Variants in CHCHD6 observed in about 807,000 individuals in gnomAD.
CHCHD6 encodes coiled-coil-helix-coiled-coil-helix domain containing 6, also known as MICOS complex subunit MIC25.
CHCHD6 carries 28 observed loss-of-function variants against 32.3 expected under a neutral mutation model. The ratio of observed to expected loss-of-function variants is 0.87; its 90% CI spans 0.64 to 1.19. CHCHD6 has a LOEUF of 1.19. Ranked by LOEUF, CHCHD6 falls within the 50% of genes most tolerant of loss-of-function variation. The pLI, the probability that CHCHD6 is intolerant of heterozygous loss-of-function variation, is 0.00. For missense variants in CHCHD6, 333 were observed against 307.0 expected (o/e 1.08, Z -0.63); for synonymous variants, 122 against 117.5 (o/e 1.04, Z -0.25).
At chr3:126,870,900 C>T (rs2077459857) in intron 5 of CHCHD6, among the ~76,000 whole-genome samples, 1 of 152,190 alleles carries the variant, frequency 6.6e-6, no homozygotes, top group South Asian at 2.1e-4. Context: ...TGCCTTATCT[C>T]CCCTTTGCTG....
chr3:126,856,780 G>A (rs1321331109), intron 5 of CHCHD6, among the ~76,000 whole-genome samples: 1 of 152,210 alleles, frequency 6.6e-6, no homozygotes, highest in Non-Finnish European at 1.5e-5. Context: ...CTTGTCTTCA[G>A]TCAACCATGG....
intron 4 of CHCHD6, among the ~76,000 whole-genome samples, chr3:126,836,201 A>C (rs1481709863): frequency 6.6e-6 from 1 of 152,194 alleles, no homozygotes; most frequent in Admixed American, 6.5e-5. Flanking sequence ...CCTGTTTTTC[A>C]TGCTGCGTCT....
At chr3:126,872,634 G>A (rs1050645173) in intron 5 of CHCHD6, among the ~76,000 whole-genome samples, 3 of 152,178 alleles carry the variant, frequency 2.0e-5, no homozygotes, top group Non-Finnish European at 4.4e-5. Flanking sequence ...CAGGCTCCAG[G>A]CATAGAACCT....
At chr3:126,705,224 TTTA>T (rs1179967791) in intron 1 of CHCHD6, among the ~76,000 whole-genome samples, 4 of 152,210 alleles carry the variant, frequency 2.6e-5, no homozygotes, top group Non-Finnish European at 5.9e-5. Flanking sequence ...GCGTCCAACA[TTTA>T]TTATTTTCAT....
intron 5 of CHCHD6, among the ~76,000 whole-genome samples, chr3:126,860,843 T>C (rs1239336767): frequency 6.6e-6 from 1 of 152,198 alleles, no homozygotes; most frequent in Non-Finnish European, 1.5e-5. Context: ...ATGTGATCAA[T>C]GAGACAGGAA....
chr3:126,756,899 C>G (rs141989657), intron 4 of CHCHD6, among the ~76,000 whole-genome samples: 1 of 152,250 alleles, frequency 6.6e-6, no homozygotes, highest in East Asian at 1.9e-4. Context: ...GTCTGGTTAT[C>G]CACTTGTGTC....
intron 5 of CHCHD6, among the ~76,000 whole-genome samples, chr3:126,878,477 C>G (rs1378517343): frequency 6.6e-6 from 1 of 152,172 alleles, no homozygotes; most frequent in Non-Finnish European, 1.5e-5. Flanking sequence ...CTCCCACGAG[C>G]CACACTTAGA....
intron 4 of CHCHD6, among the ~76,000 whole-genome samples, chr3:126,838,223 T>C (rs1459850412): frequency 6.6e-6 from 1 of 152,230 alleles, no homozygotes; most frequent in Admixed American, 6.5e-5. Flanking sequence ...AAAGTTTCCT[T>C]GTGAGGCATC....
At chr3:126,810,807 A>G (rs1939623000) in intron 4 of CHCHD6, among the ~76,000 whole-genome samples, 1 of 152,210 alleles carries the variant, frequency 6.6e-6, no homozygotes, top group African/African-American at 2.4e-5. Flanking sequence ...ATGCTATCAT[A>G]CTACCGTGTA....
chr3:126,919,317 C>CTTTTTTTTTTTTTTTTTTTTTTT (rs756862821), intron 6 of CHCHD6, among the ~76,000 whole-genome samples: 1 of 68,130 alleles, frequency 1.5e-5, no homozygotes, highest in Non-Finnish European at 3.4e-5. Context: ...TTTCTTTTTT[C>CTTTTTTTTTTTTTTTTTTTTTTT]TTTTTTTTTT....
intron 4 of CHCHD6, among the ~76,000 whole-genome samples, chr3:126,818,896 A>G (rs138883660): frequency 7.9e-5 from 12 of 152,302 alleles, no homozygotes; most frequent in African/African-American, 2.6e-4. Flanking sequence ...TGTGGTGTGC[A>G]TGCCCACTGC....
In CHCHD6 at chr3:126,913,796, G is replaced by A. The variant is rs952796269; in HGVS notation, c.496-884G>A. Among the ~76,000 whole-genome samples, 9 of 152,222 alleles carry A rather than the reference G, an allele frequency of 5.9e-5. 1 individual carries two copies. Among genetic ancestry groups the A allele is most frequent in the African/African-American group, 2.2e-4 (9 of 41,452 alleles). ...ATGTCAGTCTCCCCTCAGAACATGCGAAGGTGCTGGAGCTTCACAAAGAAA... is the reference window on the plus strand; with the variant it reads ...ATGTCAGTCTCCCCTCAGAACATGCAAAGGTGCTGGAGCTTCACAAAGAAA... On this transcript the variant is annotated intron_variant, in intron 5 of 7. Transcript: ENST00000290913.
intron 4 of CHCHD6, among the ~76,000 whole-genome samples, chr3:126,750,506 G>A (rs962093148): frequency 2.6e-5 from 4 of 152,264 alleles, no homozygotes; most frequent in East Asian, 3.8e-4. Context: ...CAGAGTTGGC[G>A]ACTCCCTCCT....
intron 4 of CHCHD6, among the ~76,000 whole-genome samples, chr3:126,743,862 C>A (rs987132899): frequency 2.6e-5 from 4 of 152,174 alleles, no homozygotes; most frequent in African/African-American, 9.7e-5. Context: ...AGAGGTCTTA[C>A]GTGGTCATAT....
At chr3:126,761,755 G>C (rs752520847) in intron 4 of CHCHD6, among the ~76,000 whole-genome samples, 2 of 152,164 alleles carry the variant, frequency 1.3e-5, no homozygotes, top group African/African-American at 4.8e-5. Flanking sequence ...ATGTTTGGTA[G>C]AATTCACTAC....
chr3:126,760,234 G>A (rs375654933), intron 4 of CHCHD6, among the ~76,000 whole-genome samples: 4 of 152,170 alleles, frequency 2.6e-5, no homozygotes, highest in Admixed American at 2.6e-4. Context: ...GTGGGGTGAT[G>A]CTTTGCAAGT....
chr3:126,850,191 A>C (rs1328760803), intron 4 of CHCHD6, among the ~76,000 whole-genome samples: 1 of 152,226 alleles, frequency 6.6e-6, no homozygotes, highest in Non-Finnish European at 1.5e-5. Flanking sequence ...AGAGACGGTG[A>C]GCTCACCACC....
intron 5 of CHCHD6, among the ~76,000 whole-genome samples, chr3:126,904,011 C>G (rs1030108432): frequency 6.6e-6 from 1 of 152,198 alleles, no homozygotes; most frequent in Admixed American, 6.5e-5. Context: ...TTGTTTTTTA[C>G]ACATCACTTT....
chr3:126,924,336 G>A (rs2107595470), intron 6 of CHCHD6, among the ~76,000 whole-genome samples: 1 of 152,328 alleles, frequency 6.6e-6, no homozygotes, highest in East Asian at 1.9e-4. Context: ...GTTCGGAGAA[G>A]TTCAGGATTA....
Sources: allele counts gnomAD v4.1 joint callset (sites outside exome capture counted in the v4.1 genomes callset), GRCh38; gene constraint gnomAD v4.1.1; transcripts MANE v1.5; gene names NCBI Gene and HGNC (gene_info 2026-07-23, HGNC 2026-07-21).